LIPA: variants seen among roughly 807,000 people sequenced by gnomAD.
The protein encoded by LIPA is lipase A, lysosomal acid type, also known as lysosomal acid lipase/cholesteryl ester hydrolase.
A neutral mutation model predicts 40.6 loss-of-function variants in LIPA; 26 were observed. The ratio of observed to expected loss-of-function variants is 0.64; its 90% CI spans 0.47 to 0.89. The LOEUF (loss-of-function observed/expected upper bound fraction) is 0.89, where lower values mean the gene tolerates loss of function less well. LIPA is among the 40% of genes least tolerant of loss of function. The probability of loss-of-function intolerance (pLI) is 0.00; values close to 1 mark genes in which losing one functional copy is unlikely to be tolerated. For missense variants in LIPA, 455 were observed against 479.6 expected, an observed-to-expected ratio of 0.95 and a Z score of 0.48; for synonymous variants, 188 against 168.4, an observed-to-expected ratio of 1.12 and a Z score of -0.90.
chr10:89,258,403 CA>C (rs1843191453), intron 1 of LIPA, among the ~76,000 whole-genome samples: 1 of 152,018 alleles, frequency 6.6e-6, no homozygotes, highest in Non-Finnish European at 1.5e-5. Context: ...ACAAAAAGCA[CA>C]ACCTATAAAA....
chr10:89,388,396 G>A (rs757118109), intron 2 of LIPA, among the ~76,000 whole-genome samples: 4 of 152,164 alleles, frequency 2.6e-5, no homozygotes, highest in Non-Finnish European at 2.9e-5. Flanking sequence ...GTGAATCACC[G>A]CGCCTGGCCG....
intron 1 of LIPA, among the ~76,000 whole-genome samples, chr10:89,287,890 A>G (rs1785425227): frequency 6.6e-6 from 1 of 151,730 alleles, no homozygotes; most frequent in Non-Finnish European, 1.5e-5. Context: ...CAACTCGTAC[A>G]CTCTTTTGTC....
At chr10:89,362,620 A>G in intron 2 of LIPA, 1 of 377,938 alleles carries the variant, frequency 2.6e-6, no homozygotes, top group Non-Finnish European at 4.9e-6. Context: ...GCCTGGGCGT[A>G]TCACCACATA....
intron 3 of LIPA, among the ~76,000 whole-genome samples, chr10:89,236,044 C>G (rs1842901169): frequency 6.6e-6 from 1 of 151,922 alleles, no homozygotes; most frequent in African/African-American, 2.4e-5. Context: ...AACAGACCAA[C>G]TCTGTAGTCT....
At chr10:89,305,898 A>G in intron 1 of LIPA, 1 of 1,161,336 alleles carries the variant, frequency 8.6e-7, no homozygotes, top group Admixed American at 2.0e-5. Flanking sequence ...TTTATTTGCC[A>G]TGCTCCCATT....
At chr10:89,242,023 C>A (rs1589568697) in intron 3 of LIPA, among the ~76,000 whole-genome samples, 1 of 152,126 alleles carries the variant, frequency 6.6e-6, no homozygotes, top group Non-Finnish European at 1.5e-5. Context: ...TTGCCAAAAC[C>A]AAGAATTCTA....
At chr10:89,288,795 C>T (rs1235485183) in intron 1 of LIPA, among the ~76,000 whole-genome samples, 1 of 152,222 alleles carries the variant, frequency 6.6e-6, no homozygotes, top group Non-Finnish European at 1.5e-5. Context: ...AACTCGGGCC[C>T]TCACTCTTGC....
chr10:89,401,183 C>T (rs914709697), intron 2 of LIPA, among the ~76,000 whole-genome samples: 1 of 150,814 alleles, frequency 6.6e-6, no homozygotes, highest in African/African-American at 2.4e-5. Context: ...GTGGCGCGAT[C>T]TCAGCTCACT....
chr10:89,345,515 C>T (rs10159516), upstream of LIPA, among the ~76,000 whole-genome samples: 8,495 of 148,820 alleles, frequency 0.057, 661 homozygotes, highest in African/African-American at 0.18. Flanking sequence ...GGTGACAGGT[C>T]GAGACTCCAT....
chr10:89,316,023 G>A (rs1297178272), intron 1 of LIPA, among the ~76,000 whole-genome samples: 2 of 152,158 alleles, frequency 1.3e-5, no homozygotes, highest in Non-Finnish European at 2.9e-5. Context: ...CATTTTGGAA[G>A]TCTTTCATAT....
chr10:89,245,685 A>G lies in LIPA; in HGVS notation c.220T>C (p.Ser74Pro), dbSNP rs1046820327. 8.3e-6 allele frequency: 13 copies of G among 1,557,814 alleles called. No individual in the cohort carries two copies. Among genetic ancestry groups the G allele is most frequent in the Non-Finnish European group, 1.2e-5 (13 of 1,129,020 alleles). The change falls in exon 3 of 10, where the codon TCT becomes CCT. Residue 74 changes from serine to proline, a missense_variant. Ser to Pro is a moderately conservative substitution (Grantham distance 74, BLOSUM62 -1). Coordinates refer to ENST00000336233, the MANE Select transcript of LIPA (RefSeq NM_000235.4). The part of the protein sequence containing the change: ...NRIPHGRKNH[S>P]DKGPKPVVFL... The stretch of plus-strand genomic sequence containing the variant: ...AAGAGCCTTCCCATACCTTTGTCAG[A>G]ATGGTTCTTCCTCCCATGAGGAATT...
At chr10:89,361,535 T>C (rs1178717135) in intron 2 of LIPA, among the ~76,000 whole-genome samples, 1 of 152,200 alleles carries the variant, frequency 6.6e-6, no homozygotes, top group Non-Finnish European at 1.5e-5. Context: ...ATGCATGTCA[T>C]CTGCTATGGC....
chr10:89,294,098 G>A (rs1010187972), intron 1 of LIPA, among the ~76,000 whole-genome samples: 8 of 152,202 alleles, frequency 5.3e-5, no homozygotes, highest in African/African-American at 1.9e-4. Flanking sequence ...AATACTCCTA[G>A]TGTTCTAACA....
chr10:89,393,354 C>G, intron 2 of LIPA: 1 of 1,200,280 alleles, frequency 8.3e-7, no homozygotes, highest in East Asian at 5.7e-5. Context: ...ACGTCCTTGA[C>G]TGAAGATGAT....
upstream of LIPA, among the ~76,000 whole-genome samples, chr10:89,252,538 T>G (rs1843142161): frequency 6.6e-6 from 1 of 152,170 alleles, no homozygotes; most frequent in Non-Finnish European, 1.5e-5. Context: ...CTGGGCACAG[T>G]GGCTCACGCC....
chr10:89,287,966 C>A (rs572752934), intron 1 of LIPA, among the ~76,000 whole-genome samples: 7 of 152,314 alleles, frequency 4.6e-5, no homozygotes, highest in African/African-American at 1.7e-4. Context: ...AACATGCTTT[C>A]TTTACTATTC....
intron 1 of LIPA, among the ~76,000 whole-genome samples, chr10:89,250,707 G>A (rs570882595): frequency 5.8e-4 from 88 of 152,306 alleles, no homozygotes; most frequent in African/African-American, 2.0e-3. Context: ...GTCCATGAGA[G>A]TAACAGCTAA....
chr10:89,288,904 C>T (rs765042483), intron 1 of LIPA, among the ~76,000 whole-genome samples: 5 of 152,216 alleles, frequency 3.3e-5, no homozygotes, highest in Non-Finnish European at 5.9e-5. Flanking sequence ...TTCCTCACTA[C>T]GCAAGGGTCC....
At chr10:89,305,679 G>A (rs556545523) in intron 1 of LIPA, among the ~76,000 whole-genome samples, 88 of 152,230 alleles carry the variant, frequency 5.8e-4, no homozygotes, top group Non-Finnish European at 1.0e-3. Context: ...AGAGGGCAGA[G>A]CTGTTTAACA....
Sources: allele counts gnomAD v4.1 joint callset (sites outside exome capture counted in the v4.1 genomes callset), GRCh38; gene constraint gnomAD v4.1.1; transcripts MANE v1.5; gene names NCBI Gene and HGNC (gene_info 2026-07-23, HGNC 2026-07-21).